ADARB2: variants seen among roughly 807,000 people sequenced by gnomAD.
The protein encoded by ADARB2 is adenosine deaminase RNA specific B2 (inactive), also known as inactive double-stranded RNA-specific editase B2.
ADARB2 carries 25 observed loss-of-function variants against 62.2 expected under a neutral mutation model. That is an observed-to-expected ratio of 0.40 (90% confidence interval 0.29 to 0.56). ADARB2 has a LOEUF of 0.56. ADARB2 is among the 20% of genes least tolerant of loss of function. The pLI is 0.43. For missense variants in ADARB2, 1,071 were observed against 1,077.4 expected (o/e 0.99, Z 0.08); for synonymous variants, 572 against 500.8 (o/e 1.14, Z -1.90).
intron 1 of ADARB2, among the ~76,000 whole-genome samples, chr10:1,447,267 A>G (rs1338918334): frequency 1.3e-5 from 2 of 152,192 alleles, no homozygotes; most frequent in Non-Finnish European, 2.9e-5. Context: ...CAGGTATCTG[A>G]GATTATCCTG....
chr10:1,281,257 G>T (rs1253162405), intron 3 of ADARB2, among the ~76,000 whole-genome samples: 1 of 152,222 alleles, frequency 6.6e-6, no homozygotes, highest in Non-Finnish European at 1.5e-5. Flanking sequence ...CTGGAGGCAG[G>T]TCTTGAGCAT....
intron 3 of ADARB2, among the ~76,000 whole-genome samples, chr10:1,358,897 GATTT>G (rs575105556): frequency 1.2e-3 from 182 of 152,180 alleles, no homozygotes; most frequent in African/African-American, 4.2e-3. Flanking sequence ...GACTTTTACT[GATTT>G]ATTTATTTTT....
chr10:1,281,110 T>C (rs1831367075), intron 3 of ADARB2, among the ~76,000 whole-genome samples: 1 of 152,222 alleles, frequency 6.6e-6, no homozygotes, highest in African/African-American at 2.4e-5. Context: ...AACTTATAAA[T>C]AGAAAATGTC....
intron 1 of ADARB2, among the ~76,000 whole-genome samples, chr10:1,552,913 C>T (rs987480484): frequency 1.4e-4 from 13 of 89,942 alleles, no homozygotes; most frequent in South Asian, 9.9e-4. Flanking sequence ...GAACGGAACC[C>T]TTAATTAATT....
rs1831418857 is a variant in ADARB2 at position 1,477,586 on chromosome 10, C to T, written c.101-98426G>A. Among the ~76,000 whole-genome samples, 1 of 152,190 alleles carries T rather than the reference C, an allele frequency of 6.6e-6. No individual in the cohort carries two copies. The highest frequency in any genetic ancestry group is 2.4e-5 in the African/African-American group (1 of 41,436). On this transcript the variant is annotated intron_variant, in intron 1 of 9. Coordinates refer to ENST00000381312, the MANE Select transcript of ADARB2 (RefSeq NM_018702.4). The surrounding 1 kb of genome is among the most constrained non-coding windows in gnomAD (Gnocchi z 4.5). ...CGTGACACCAGCCCCAGCCATTGCACCCACAACAACACGGTGATGTGCCAG... is the reference window on the plus strand; with the variant it reads ...CGTGACACCAGCCCCAGCCATTGCATCCACAACAACACGGTGATGTGCCAG...
At chr10:1,299,112 GAC>G (rs1323715835) in intron 3 of ADARB2, among the ~76,000 whole-genome samples, 1 of 152,082 alleles carries the variant, frequency 6.6e-6, no homozygotes, top group Middle Eastern at 3.4e-3. Flanking sequence ...CCAGCTGGAA[GAC>G]ACATGCTCTT....
chr10:1,692,586 T>G (rs1834687625), intron 1 of ADARB2, among the ~76,000 whole-genome samples: 1 of 152,182 alleles, frequency 6.6e-6, no homozygotes, highest in African/African-American at 2.4e-5. Flanking sequence ...TGACAGCCAG[T>G]GAAGGGGAGG....
chr10:1,640,004 G>T lies in ADARB2; in HGVS notation c.100+97047C>A, dbSNP rs76556861. On this transcript the variant is annotated intron_variant, in intron 1 of 9. Transcript: ENST00000381312. ...GAAAAAAACTTCAGGCCTTAATGGG[G>T]TGTTGGCGGGAAGATCTGAAGTGTG... is the stretch of plus-strand genomic sequence containing the variant. 3.6e-4 allele frequency among the ~76,000 whole-genome samples: 55 copies of T among 152,302 alleles called. No homozygotes were observed. The East Asian group carries it at 0.01, about 29-fold the overall frequency.
At chr10:1,507,648 C>A (rs1002457467) in intron 1 of ADARB2, among the ~76,000 whole-genome samples, 1 of 151,854 alleles carries the variant, frequency 6.6e-6, no homozygotes, top group Non-Finnish European at 1.5e-5. Context: ...CGGCTCAGGA[C>A]GAGAGACAGG....
At chr10:1,598,823 G>T (rs1013381268) in intron 1 of ADARB2, among the ~76,000 whole-genome samples, 1 of 152,248 alleles carries the variant, frequency 6.6e-6, no homozygotes, top group Non-Finnish European at 1.5e-5. Context: ...AGACAGAAGC[G>T]AAGGGATCTC....
intron 1 of ADARB2, among the ~76,000 whole-genome samples, chr10:1,438,830 G>T (rs1830866939): frequency 7.3e-6 from 1 of 136,608 alleles, no homozygotes; most frequent in South Asian, 2.6e-4. Context: ...GCAGATGGAG[G>T]CAGGTCCTTC....
chr10:1,327,819 T>C (rs1158506787), intron 3 of ADARB2, among the ~76,000 whole-genome samples: 4 of 57,196 alleles, frequency 7.0e-5, no homozygotes, highest in African/African-American at 1.3e-4. Flanking sequence ...CAGCATCTCC[T>C]CACAGCTCAG....
intron 1 of ADARB2, among the ~76,000 whole-genome samples, chr10:1,495,925 CATT>C (rs1241603270): frequency 1.3e-5 from 2 of 152,052 alleles, no homozygotes; most frequent in Admixed American, 6.6e-5. Flanking sequence ...CCATCATCAT[CATT>C]GTCATCACCA....
At chr10:1,216,170 G>A (rs1374464169) in intron 7 of ADARB2, 1 of 151,998 alleles carries the variant, frequency 6.6e-6, no homozygotes, top group Non-Finnish European at 1.5e-5. Context: ...GAGGTCTTGG[G>A]GCATCAGACT....
chr10:1,393,911 G>T (rs912612827), intron 1 of ADARB2, among the ~76,000 whole-genome samples: 3 of 152,214 alleles, frequency 2.0e-5, no homozygotes, highest in African/African-American at 7.2e-5. Context: ...CAAAGGATTA[G>T]CCAAGGCTCA....
chr10:1,655,095 G>C (rs568613390), intron 1 of ADARB2, among the ~76,000 whole-genome samples: 71 of 152,310 alleles, frequency 4.7e-4, no homozygotes, highest in African/African-American at 1.5e-3. Context: ...TGGGAGGTGA[G>C]GTTCCAGCAG....
At chr10:1,408,541 AC>A (rs1447782151) in intron 1 of ADARB2, among the ~76,000 whole-genome samples, 2 of 152,158 alleles carry the variant, frequency 1.3e-5, no homozygotes, top group Non-Finnish European at 2.9e-5. Flanking sequence ...TTACAGTCAC[AC>A]CGAGTCCCAG....
intron 3 of ADARB2, among the ~76,000 whole-genome samples, chr10:1,275,050 G>A (rs1359050348): frequency 6.6e-6 from 1 of 152,222 alleles, no homozygotes; most frequent in East Asian, 1.9e-4. Flanking sequence ...CCCTGCCCTA[G>A]GCTCCCACTA....
intron 1 of ADARB2, among the ~76,000 whole-genome samples, chr10:1,480,701 C>CA (rs1330619728): frequency 1.3e-3 from 176 of 136,526 alleles, no homozygotes; most frequent in Middle Eastern, 3.7e-3. Context: ...GACTCTGTTT[C>CA]AAAAAAAAAA....
Sources: gnomAD v4.1 joint callset for allele counts (sites outside exome capture counted in the v4.1 genomes callset) on GRCh38, gnomAD v4.1.1 for gene constraint, Gnocchi (gnomAD v3.1) non-coding constraint, MANE v1.5 for transcripts, NCBI Gene and HGNC (gene_info 2026-07-23, HGNC 2026-07-21) for gene names.